Variants in DSCAM observed in about 807,000 individuals in gnomAD.
The protein encoded by DSCAM is cell adhesion molecule DSCAM.
A neutral mutation model predicts 217.7 loss-of-function variants in DSCAM; 47 were observed. That is an observed-to-expected ratio of 0.22 (90% CI 0.17 to 0.28). The LOEUF is 0.28. Ranked by LOEUF, DSCAM falls within the 10% of genes least tolerant of loss-of-function variation. The pLI, the probability that DSCAM is intolerant of heterozygous loss-of-function variation, is 1.00. For synonymous variants in DSCAM, 1,056 were observed against 1,015.3 expected (o/e 1.04, Z -0.76); for missense variants, 2,080 against 2,618.3 (o/e 0.79, Z 4.49).
intron 1 of DSCAM, among the ~76,000 whole-genome samples, chr21:40,779,381 CGTCA>C (rs1304089750): frequency 2.0e-5 from 3 of 152,116 alleles, no homozygotes; most frequent in African/African-American, 4.8e-5. Flanking sequence ...TTGGTTCAGA[CGTCA>C]GTATTAATTT....
chr21:40,387,580 G>A (rs541095597), intron 3 of DSCAM, among the ~76,000 whole-genome samples: 3 of 152,206 alleles, frequency 2.0e-5, no homozygotes, highest in Non-Finnish European at 2.9e-5. Context: ...AATCTTCCCT[G>A]GAGGAAGGAG....
chr21:40,303,858 A>G (rs1182739396), intron 9 of DSCAM, among the ~76,000 whole-genome samples: 1 of 152,110 alleles, frequency 6.6e-6, no homozygotes, highest in African/African-American at 2.4e-5. Context: ...AAAGCCAGAA[A>G]CCATTGACCC....
At chr21:40,181,193 T>C (rs1184315489) in intron 14 of DSCAM, among the ~76,000 whole-genome samples, 1 of 150,468 alleles carries the variant, frequency 6.6e-6, no homozygotes, top group Non-Finnish European at 1.5e-5. Flanking sequence ...AACTTTTTTA[T>C]TGGGTCAATG....
At chr21:40,626,107 C>T (rs748626424) in intron 3 of DSCAM, among the ~76,000 whole-genome samples, 104 of 151,930 alleles carry the variant, frequency 6.8e-4, no homozygotes, top group Non-Finnish European at 1.2e-3. Context: ...AATATAAGAC[C>T]GATTCCTGAT....
At chr21:40,412,122 T>C (rs899695813) in intron 3 of DSCAM, among the ~76,000 whole-genome samples, 3 of 152,244 alleles carry the variant, frequency 2.0e-5, no homozygotes, top group Non-Finnish European at 4.4e-5. Flanking sequence ...TGCCATGATT[T>C]TGAGGCTCCC....
Position 40,085,664 on chromosome 21 carries a change from T to C in DSCAM, c.4070A>G (p.Tyr1357Cys). ...RTVKAEDSGY[Y>C]SCIANNNWGS... Reference sequence around the variant, plus strand: ...CCAGTTGTTATTGGCAATGCAGCTGTAATAGCCGGAGTCTTCTGCTTTCAC... The same window carrying C: ...CCAGTTGTTATTGGCAATGCAGCTGCAATAGCCGGAGTCTTCTGCTTTCAC... Residue 1357 changes from tyrosine (Y) to cysteine (C), a missense_variant, in exon 23 of 33, where the codon TAC becomes TGC. Tyr to Cys is a radical substitution (Grantham distance 194). Coordinates refer to ENST00000400454, the MANE Select transcript of DSCAM (RefSeq NM_001389.5). 1 of 1,595,172 alleles carries C rather than the reference T, an allele frequency of 6.3e-7. No homozygotes were observed. The highest frequency in any genetic ancestry group is 8.6e-7 in the Non-Finnish European group (1 of 1,165,154).
chr21:40,237,385 C>A (rs2073093422), intron 11 of DSCAM, among the ~76,000 whole-genome samples: 1 of 152,136 alleles, frequency 6.6e-6, no homozygotes. Flanking sequence ...CTCTGACAGG[C>A]CCTGGTGTGT....
intron 3 of DSCAM, among the ~76,000 whole-genome samples, chr21:40,433,096 C>G (rs924594108): frequency 6.6e-6 from 1 of 151,894 alleles, no homozygotes; most frequent in Admixed American, 6.6e-5. Context: ...TGGTAGCTCA[C>G]GCCTGTAATC....
rs149373906 is a variant in DSCAM, at chr21:40,204,208, C to T, written c.2357-14970G>A. ...GCCCATATTTGTGTGCGTGTGTGCACACACATGTACCCATGAATGTGCCTG... is the reference window on the plus strand; with the variant it reads ...GCCCATATTTGTGTGCGTGTGTGCATACACATGTACCCATGAATGTGCCTG... On this transcript the variant is annotated intron_variant, in intron 11 of 32. Coordinates refer to ENST00000400454, the MANE Select transcript of DSCAM (RefSeq NM_001389.5). Among the ~76,000 whole-genome samples, 70 of 152,266 alleles carry T rather than the reference C, an allele frequency of 4.6e-4. No individual in the cohort carries two copies. The East Asian group carries it at 0.013, about 27-fold the overall frequency.
At chr21:40,215,451 T>C (rs2410222) in intron 11 of DSCAM, among the ~76,000 whole-genome samples, 73,161 of 151,056 alleles carry the variant, frequency 0.48, 18,264 homozygotes, top group Middle Eastern at 0.61. Flanking sequence ...AATTGTGATA[T>C]ATATACCATG....
chr21:40,801,995 A>G (rs1335671514), intron 1 of DSCAM, among the ~76,000 whole-genome samples: 1 of 152,158 alleles, frequency 6.6e-6, no homozygotes, highest in Non-Finnish European at 1.5e-5. Flanking sequence ...GGAGCCATAG[A>G]GGCAGGACCT....
intron 16 of DSCAM, among the ~76,000 whole-genome samples, chr21:40,165,923 C>A (rs2090590020): frequency 6.6e-6 from 1 of 151,964 alleles, no homozygotes; most frequent in East Asian, 1.9e-4. Context: ...GGTGGATGTG[C>A]TTACAAAGAC....
intron 3 of DSCAM, among the ~76,000 whole-genome samples, chr21:40,405,995 TCAA>T (rs931741999): frequency 1.3e-5 from 2 of 152,156 alleles, no homozygotes; most frequent in Admixed American, 1.3e-4. Context: ...AGACTCTGTC[TCAA>T]CAACAACAAA....
chr21:40,388,820 A>C (rs2075109509), intron 3 of DSCAM, among the ~76,000 whole-genome samples: 1 of 152,178 alleles, frequency 6.6e-6, no homozygotes, highest in African/African-American at 2.4e-5. Flanking sequence ...CTGGGTAAGC[A>C]AATCTTGCTT....
intron 3 of DSCAM, among the ~76,000 whole-genome samples, chr21:40,401,098 T>C (rs2075229264): frequency 6.6e-6 from 1 of 152,242 alleles, no homozygotes; most frequent in Non-Finnish European, 1.5e-5. Flanking sequence ...CCTTGGTTCA[T>C]ACTTTGAGAA....
At position 40,022,780 on chromosome 21, in the gene DSCAM, CT is replaced by C. The variant is rs35238261; in HGVS notation, c.5687-9395del. ...ACAAATGAATGAGGCACAATACATT[CT>C]TTTTTTTTTTCTTATATCTAAACTT... On this transcript the variant is annotated intron_variant, in intron 32 of 32. Coordinates refer to ENST00000400454, the MANE Select transcript of DSCAM (RefSeq NM_001389.5). 4.9e-3 allele frequency among the ~76,000 whole-genome samples: 729 copies of C among 149,008 alleles called. 8 individuals are homozygous for C. Among genetic ancestry groups the C allele is most frequent in the South Asian group, 0.02 (92 of 4,714 alleles).
In DSCAM at chr21:40,347,683, C is replaced by A; in HGVS notation, c.1197G>T (p.Gln399His). The A allele has an allele frequency of 6.2e-7, 1 of 1,613,920 alleles. No homozygotes were observed. Among genetic ancestry groups the A allele is most frequent in the Non-Finnish European group, 8.5e-7 (1 of 1,179,952 alleles). The change falls in exon 6 of 33, where the codon CAG (glutamine) becomes CAT (histidine). Residue 399 changes from glutamine to histidine, a missense_variant. Transcript: ENST00000400454. ...AGGCCCACTGACCTTCAAGGACCAC[C>A]TGCACATAGTCTTGAGCGGACAGCT... ...KDKLSAQDYV[Q>H]VVLEDGTPKI...
chr21:40,223,071 G>A (rs2091302042), intron 11 of DSCAM, among the ~76,000 whole-genome samples: 1 of 152,142 alleles, frequency 6.6e-6, no homozygotes, highest in African/African-American at 2.4e-5. Context: ...CTTCTCAGGT[G>A]TGTCCGGTGT....
chr21:40,811,897 C>G (rs1189512048), intron 1 of DSCAM, among the ~76,000 whole-genome samples: 2 of 152,196 alleles, frequency 1.3e-5, no homozygotes, highest in Non-Finnish European at 2.9e-5. Flanking sequence ...CGGCCTTTCT[C>G]ACTTCTTAGT....
Sources: gnomAD v4.1 joint callset for allele counts (sites outside exome capture counted in the v4.1 genomes callset) on GRCh38, gnomAD v4.1.1 for gene constraint, MANE v1.5 for transcripts, NCBI Gene and HGNC (gene_info 2026-07-23, HGNC 2026-07-21) for gene names.